Variants in POC5 observed in about 807,000 individuals in gnomAD.
POC5 encodes the protein centrosomal protein POC5.
In POC5, 48 loss-of-function variants were observed where a neutral mutation model predicts 62.9. The ratio of observed to expected loss-of-function variants is 0.76; its 90% CI spans 0.61 to 0.97. POC5 has a LOEUF of 0.97. Ranked by LOEUF, POC5 falls within the 50% of genes least tolerant of loss-of-function variation. The pLI is 0.00. For missense variants in POC5, 696 were observed against 679.5 expected, an observed-to-expected ratio of 1.02 and a Z score of -0.27; for synonymous variants, 236 against 228.2, an observed-to-expected ratio of 1.03 and a Z score of -0.31.
rs753375527 is a variant in POC5 at position 75,681,631 on chromosome 5, TAAA to T, written c.1407+3573_1407+3575del. Reference sequence around the variant, plus strand: ...TTTTATTTAAATTTAAATAATTTTTTAAAATAATAATATTTTAAAATAAGATAT... The same window carrying T: ...TTTTATTTAAATTTAAATAATTTTTTATAATAATATTTTAAAATAAGATAT... On this transcript the variant is annotated intron_variant, in intron 10 of 11. Coordinates refer to ENST00000428202, the MANE Select transcript of POC5 (RefSeq NM_001099271.2). Among the ~76,000 whole-genome samples the T allele has an allele frequency of 3.4e-3, 509 of 147,716 alleles. 4 individuals carry two copies. Among genetic ancestry groups the T allele is most frequent in the Middle Eastern group, 7.0e-3 (2 of 286 alleles).
At chr5:75,687,884 T>C (rs892798527) in intron 9 of POC5, among the ~76,000 whole-genome samples, 1 of 152,210 alleles carries the variant, frequency 6.6e-6, no homozygotes, top group Non-Finnish European at 1.5e-5. Context: ...TATTCTATCA[T>C]TGAAGGTGGT....
intron 6 of POC5, 103 bp downstream of exon 6, chr5:75,694,552 T>G (rs546066113): frequency 1.1e-6 from 1 of 947,592 alleles, no homozygotes; most frequent in East Asian, 3.0e-5. Flanking sequence ...CAGTTTCTGA[T>G]AGAACCTGTA....
intron 2 of POC5, among the ~76,000 whole-genome samples, chr5:75,710,558 C>A (rs146012206): frequency 1.3e-5 from 2 of 152,134 alleles, no homozygotes; most frequent in African/African-American, 2.4e-5. Context: ...AAAGGCCATG[C>A]AAAGATACAG....
intron 2 of POC5, chr5:75,712,463 GA>G (rs1385855417): frequency 3.8e-6 from 6 of 1,596,446 alleles, no homozygotes; most frequent in Non-Finnish European, 5.1e-6. Context: ...TCAGCAAGTA[GA>G]ACACAAGGGA....
intron 5 of POC5, among the ~76,000 whole-genome samples, chr5:75,696,382 C>A (rs1776587949): frequency 6.6e-6 from 1 of 152,062 alleles, no homozygotes; most frequent in South Asian, 2.1e-4. Flanking sequence ...GGGCAGCCTG[C>A]CTCAAGTGGG....
At chr5:75,702,948 T>C (rs1298882639) in intron 4 of POC5, 138 bp from the exon 5 acceptor site, 6 of 654,316 alleles carry the variant, frequency 9.2e-6, no homozygotes, top group Admixed American at 2.9e-5. Flanking sequence ...CTTTCAGGTG[T>C]ACCTTAATCT....
chr5:75,707,799 G>C lies in POC5; in HGVS notation c.161C>G (p.Pro54Arg). The C allele has an allele frequency of 6.3e-7, 1 of 1,580,336 alleles. No individual in the cohort carries two copies. Among genetic ancestry groups the C allele is most frequent in the Non-Finnish European group, 8.6e-7 (1 of 1,159,324 alleles). Residue 54 changes from proline (P) to arginine (R), a missense_variant, in exon 3 of 12, where the codon CCT (proline) becomes CGT (arginine). Coordinates refer to ENST00000428202, the MANE Select transcript of POC5 (RefSeq NM_001099271.2). Reference protein sequence around the residue: ...IEPCASQSSHPKGELVPDVRI... With the variant: ...IEPCASQSSHRKGELVPDVRI... ...GACATCTGGCACCAATTCTCCCTTA[G>C]GATGAGATGACTGTGAAGCACAGGG...
chr5:75,689,190 A>T (rs1776217043), intron 8 of POC5, 25 bp from the exon 9 acceptor site: 1 of 1,511,552 alleles, frequency 6.6e-7, no homozygotes. Flanking sequence ...TTTAAAAAGC[A>T]AAACAATTTG....
chr5:75,686,395 C>T (rs531170468), intron 9 of POC5, among the ~76,000 whole-genome samples: 1 of 152,154 alleles, frequency 6.6e-6, no homozygotes, highest in East Asian at 1.9e-4. Flanking sequence ...TTCTCTTTCC[C>T]TCCAGAAATT....
chr5:75,698,236 A>C, intron 5 of POC5, among the ~76,000 whole-genome samples: 1 of 141,602 alleles, frequency 7.1e-6, no homozygotes, highest in Non-Finnish European at 1.6e-5. Context: ...TATCTACAGA[A>C]CTCTCCACCC....
At chr5:75,688,965 A>C (rs950154272) in intron 9 of POC5, 47 bp downstream of exon 9, 1 of 1,482,490 alleles carries the variant, frequency 6.7e-7, no homozygotes, top group Non-Finnish European at 9.0e-7. Context: ...AAATCTCCTC[A>C]AATCTTTTTT....
intron 10 of POC5, among the ~76,000 whole-genome samples, chr5:75,682,581 T>C (rs1184726960): frequency 2.7e-5 from 4 of 150,662 alleles, no homozygotes; most frequent in African/African-American, 9.8e-5. Flanking sequence ...AATGGCATGA[T>C]CTTGGCTCAC....
intron 2 of POC5, among the ~76,000 whole-genome samples, chr5:75,708,545 T>G (rs1178087669): frequency 6.6e-6 from 1 of 152,198 alleles, no homozygotes; most frequent in Non-Finnish European, 1.5e-5. Flanking sequence ...AACTGGATAC[T>G]TAAGTTTATA....
intron 1 of POC5, among the ~76,000 whole-genome samples, chr5:75,715,034 C>G (rs749693847): frequency 6.6e-6 from 1 of 151,954 alleles, no homozygotes; most frequent in Non-Finnish European, 1.5e-5. Context: ...CTGCCCAGGC[C>G]GGGCACGGTG....
intron 3 of POC5, among the ~76,000 whole-genome samples, chr5:75,706,575 T>C (rs541977927): frequency 2.8e-4 from 42 of 152,280 alleles, no homozygotes; most frequent in African/African-American, 9.9e-4. Context: ...TTTTCTTTTT[T>C]TTTTTTTAAA....
At chr5:75,690,296 C>A in intron 8 of POC5, 87 bp downstream of exon 8, 3 of 1,238,988 alleles carry the variant, frequency 2.4e-6, no homozygotes, top group South Asian at 1.8e-5. Flanking sequence ...GATTAAAGAC[C>A]AAAAGAAGAA....
chr5:75,711,966 G>A (rs759551651), intron 2 of POC5, among the ~76,000 whole-genome samples: 2 of 152,186 alleles, frequency 1.3e-5, no homozygotes, highest in African/African-American at 4.8e-5. Flanking sequence ...ACTGTCACCT[G>A]AAGAGAGGAC....
chr5:75,707,699 A>G, intron 3 of POC5, 38 bp downstream of exon 3: 3 of 1,419,602 alleles, frequency 2.1e-6, no homozygotes, highest in South Asian at 2.5e-5. Flanking sequence ...ACTCAGTAAT[A>G]TTTTAAATTA....
intron 10 of POC5, among the ~76,000 whole-genome samples, chr5:75,679,889 G>A (rs1425034420): frequency 4.6e-5 from 7 of 152,022 alleles, no homozygotes; most frequent in Non-Finnish European, 7.4e-5. Context: ...AGGAAAAAAT[G>A]GAAACAGAAG....
Sources: gnomAD v4.1 joint callset for allele counts (sites outside exome capture counted in the v4.1 genomes callset) on GRCh38, gnomAD v4.1.1 for gene constraint, MANE v1.5 for transcripts, NCBI Gene and HGNC (gene_info 2026-07-23, HGNC 2026-07-21) for gene names.